The following DLG2 variants were observed in gnomAD, a reference collection of about 807,000 sequenced individuals.
The protein encoded by DLG2 is disks large homolog 2.
Under a neutral mutation model 132.5 loss-of-function variants are expected in DLG2, and 45 were observed. That is an observed-to-expected ratio of 0.34 (90% CI 0.27 to 0.44). The LOEUF is 0.44. Ranked by LOEUF, DLG2 falls within the 20% of genes least tolerant of loss-of-function variation. The pLI is 1.00. For missense variants in DLG2, 1,045 were observed against 1,196.9 expected (o/e 0.87, Z 1.87); for synonymous variants, 424 against 419.6 (o/e 1.01, Z -0.13).
chr11:84,650,864 T>TATATATA (rs1565560795), intron 6 of DLG2, among the ~76,000 whole-genome samples: 6 of 74,270 alleles, frequency 8.1e-5, no homozygotes, highest in Non-Finnish European at 1.6e-4. Flanking sequence ...TGTGTGTGTG[T>TATATATA]GTGTGTGTGT....
chr11:85,593,442 T>C (rs2079511674), intron 3 of DLG2, among the ~76,000 whole-genome samples: 1 of 152,204 alleles, frequency 6.6e-6, no homozygotes, highest in Non-Finnish European at 1.5e-5. Context: ...ACCAAGAATT[T>C]GCAATTCTAA....
At chr11:83,879,879 G>T (rs2065728558) in intron 15 of DLG2, among the ~76,000 whole-genome samples, 1 of 152,100 alleles carries the variant, frequency 6.6e-6, no homozygotes, top group Non-Finnish European at 1.5e-5. Context: ...CAAATAACAT[G>T]GATAGCATTT....
At chr11:84,498,559 A>T (rs1259555643) in intron 7 of DLG2, among the ~76,000 whole-genome samples, 1 of 152,126 alleles carries the variant, frequency 6.6e-6, no homozygotes, top group Non-Finnish European at 1.5e-5. Context: ...ACAACTCAAA[A>T]CCAAAAAATA....
intron 21 of DLG2, among the ~76,000 whole-genome samples, chr11:83,497,396 G>T (rs2094202176): frequency 6.6e-6 from 1 of 152,136 alleles, no homozygotes; most frequent in Non-Finnish European, 1.5e-5. Flanking sequence ...TTAGCTGGGT[G>T]TGGTGGCATG....
chr11:83,699,439 G>C (rs1171307692), intron 18 of DLG2, among the ~76,000 whole-genome samples: 2 of 151,862 alleles, frequency 1.3e-5, no homozygotes, highest in African/African-American at 2.4e-5. Flanking sequence ...GCTCACGCCT[G>C]TAATCGCAGC....
intron 18 of DLG2, among the ~76,000 whole-genome samples, chr11:83,685,562 C>G (rs1380663436): frequency 6.6e-6 from 1 of 152,074 alleles, no homozygotes; most frequent in Non-Finnish European, 1.5e-5. Flanking sequence ...CTGGGCGCTT[C>G]TCTGCTTTCT....
intron 21 of DLG2, among the ~76,000 whole-genome samples, chr11:83,489,069 G>T (rs912696602): frequency 3.3e-5 from 5 of 151,940 alleles, no homozygotes; most frequent in African/African-American, 9.7e-5. Flanking sequence ...ATGGATGTAG[G>T]CATTGAGTAT....
At chr11:84,617,499 C>T (rs2099606600) in intron 6 of DLG2, among the ~76,000 whole-genome samples, 1 of 152,060 alleles carries the variant, frequency 6.6e-6, no homozygotes, top group Admixed American at 6.6e-5. Flanking sequence ...AGTACATACC[C>T]AGTAATGGGA....
intron 6 of DLG2, among the ~76,000 whole-genome samples, chr11:84,765,554 G>C (rs1310275201): frequency 6.6e-6 from 1 of 151,974 alleles, no homozygotes; most frequent in Admixed American, 6.6e-5. Flanking sequence ...AGGATCTACT[G>C]TTGAGTAATT....
At chr11:83,615,561 A>G (rs1277025736) in intron 19 of DLG2, among the ~76,000 whole-genome samples, 2 of 152,220 alleles carry the variant, frequency 1.3e-5, no homozygotes, top group African/African-American at 4.8e-5. Context: ...AAGGTTAAGA[A>G]ACTTGAAATG....
At chr11:85,499,140 C>G (rs2093735649) in intron 3 of DLG2, among the ~76,000 whole-genome samples, 1 of 151,810 alleles carries the variant, frequency 6.6e-6, no homozygotes. Flanking sequence ...AAACCCCTTC[C>G]AAAAATTAAT....
Position 85,621,493 on chromosome 11 carries a change from T to G in DLG2, c.-93+5094A>C, listed in dbSNP as rs1181606838. Among the ~76,000 whole-genome samples, 3 of 152,370 alleles carry G rather than the reference T, an allele frequency of 2.0e-5. No homozygotes were observed. In the East Asian group the frequency reaches 5.8e-4, roughly 29 times the overall value. Reference sequence around the variant, plus strand: ...ACCTCCTGGAAAGAACTCATCATTCTATATGCCATTAAGAACATTCTTGAT... The same window carrying G: ...ACCTCCTGGAAAGAACTCATCATTCGATATGCCATTAAGAACATTCTTGAT... On this transcript the variant is annotated intron_variant, in intron 2 of 27. Transcript: ENST00000376104.
intron 6 of DLG2, among the ~76,000 whole-genome samples, chr11:84,736,252 A>G (rs2063815299): frequency 1.3e-5 from 2 of 151,636 alleles, no homozygotes; most frequent in African/African-American, 4.8e-5. Context: ...TTCCACCAAT[A>G]CTATATTTTG....
At chr11:84,401,207 A>G (rs1267173454) in intron 7 of DLG2, among the ~76,000 whole-genome samples, 1 of 152,164 alleles carries the variant, frequency 6.6e-6, no homozygotes, top group Non-Finnish European at 1.5e-5. Context: ...TCCCCCATAG[A>G]AGATGCATAG....
intron 7 of DLG2, among the ~76,000 whole-genome samples, chr11:84,365,394 C>G (rs1346470879): frequency 1.3e-5 from 2 of 151,490 alleles, no homozygotes; most frequent in East Asian, 3.9e-4. Context: ...CTATTTGATT[C>G]TTCTCTCTTT....
intron 6 of DLG2, among the ~76,000 whole-genome samples, chr11:85,038,959 A>G (rs1457642061): frequency 6.6e-6 from 1 of 151,984 alleles, no homozygotes; most frequent in Admixed American, 6.6e-5. Context: ...AAATTTGACA[A>G]TATTTGTTAC....
At chr11:84,943,614 T>G (rs2049788199) in intron 6 of DLG2, among the ~76,000 whole-genome samples, 1 of 152,166 alleles carries the variant, frequency 6.6e-6, no homozygotes, top group South Asian at 2.1e-4. Context: ...AAAAGAAAAC[T>G]AATGAAAACT....
chr11:85,614,332 T>TTA (rs1555200939), intron 2 of DLG2, among the ~76,000 whole-genome samples: 2 of 150,974 alleles, frequency 1.3e-5, no homozygotes, highest in Admixed American at 6.6e-5. Flanking sequence ...TTTTTTTTTT[T>TTA]AAAAATTAAC....
intron 6 of DLG2, among the ~76,000 whole-genome samples, chr11:85,031,947 CTTTTTTTTTTT>C (rs11389028): frequency 1.2e-4 from 6 of 51,846 alleles, no homozygotes; most frequent in African/African-American, 2.6e-4. Context: ...TGACAACTGG[CTTTTTTTTTTT>C]TTTTTTTTTT....
Sources: gnomAD v4.1 joint callset for allele counts (sites outside exome capture counted in the v4.1 genomes callset) on GRCh38, gnomAD v4.1.1 for gene constraint, MANE v1.5 for transcripts, NCBI Gene and HGNC (gene_info 2026-07-23, HGNC 2026-07-21) for gene names.